CREB5: variants seen among roughly 807,000 people sequenced by gnomAD.
CREB5 encodes the protein cyclic AMP-responsive element-binding protein 5.
Under a neutral mutation model 57.1 loss-of-function variants are expected in CREB5, and 19 were observed. The ratio of observed to expected loss-of-function variants is 0.33; its 90% confidence interval spans 0.23 to 0.49. The LOEUF (loss-of-function observed/expected upper bound fraction) is 0.49. Among genes scored for constraint, CREB5 ranks in the 20% least tolerant of loss-of-function variants. CREB5 has a pLI of 0.99. For missense variants in CREB5, 579 were observed against 671.6 expected (o/e 0.86, Z 1.52); for synonymous variants, 238 against 238.3 (o/e 1.00, Z 0.01).
In CREB5 at chr7:28,767,088, A is replaced by G. The variant is rs979644900; in HGVS notation, c.703-37111A>G. On this transcript the variant is annotated intron_variant, in intron 7 of 10. Transcript: ENST00000357727. Reference sequence around the variant, plus strand: ...GTTTTAAACTGCATACTAGGGGAAAAATCCTAGAAGGAGAATTGCCCAAGA... The same window carrying G: ...GTTTTAAACTGCATACTAGGGGAAAGATCCTAGAAGGAGAATTGCCCAAGA... Among the ~76,000 whole-genome samples, 12 of 152,334 alleles carry G rather than the reference A, an allele frequency of 7.9e-5. No homozygotes were observed. The East Asian group carries it at 1.2e-3, about 15-fold the overall frequency.
intron 1 of CREB5, among the ~76,000 whole-genome samples, chr7:28,427,573 A>C (rs1386421230): frequency 6.6e-6 from 1 of 151,888 alleles, no homozygotes; most frequent in Non-Finnish European, 1.5e-5. Flanking sequence ...ATACGCTCAC[A>C]CTTTATTCCT....
intron 7 of CREB5, among the ~76,000 whole-genome samples, chr7:28,768,972 GA>G (rs1168330222): frequency 6.6e-6 from 1 of 152,190 alleles, no homozygotes; most frequent in Non-Finnish European, 1.5e-5. Flanking sequence ...AGACCATTCA[GA>G]AAACTCTGTT....
chr7:28,814,333 T>C (rs912901805), intron 9 of CREB5, among the ~76,000 whole-genome samples: 3 of 152,378 alleles, frequency 2.0e-5, no homozygotes, highest in East Asian at 3.9e-4. Flanking sequence ...TAGTGATTCT[T>C]GACCTTTCTT....
intron 1 of CREB5, among the ~76,000 whole-genome samples, chr7:28,344,794 G>A (rs1328611398): frequency 1.3e-5 from 2 of 152,082 alleles, no homozygotes; most frequent in South Asian, 4.2e-4. Flanking sequence ...AACACAAATG[G>A]ACTGAAAGTA....
intron 9 of CREB5, among the ~76,000 whole-genome samples, chr7:28,814,578 TAA>T (rs1274466140): frequency 1.3e-5 from 2 of 152,210 alleles, no homozygotes; most frequent in Non-Finnish European, 2.9e-5. Flanking sequence ...AAGTAATGAA[TAA>T]AAGTCAAGAT....
chr7:28,493,311 G>A (rs1028568988), intron 2 of CREB5, among the ~76,000 whole-genome samples: 1 of 152,202 alleles, frequency 6.6e-6, no homozygotes, highest in African/African-American at 2.4e-5. Flanking sequence ...TGATAAAGCG[G>A]ATATTCTGTT....
At chr7:28,569,599 T>A (rs1333930520) in intron 4 of CREB5, among the ~76,000 whole-genome samples, 1 of 152,232 alleles carries the variant, frequency 6.6e-6, no homozygotes, top group Non-Finnish European at 1.5e-5. Flanking sequence ...AATATACATC[T>A]GTGGAATGCC....
chr7:28,486,924 C>A lies in CREB5; in HGVS notation c.4-1251C>A, dbSNP rs189262299. Among the ~76,000 whole-genome samples, 222 of 151,552 alleles carry A rather than the reference C, an allele frequency of 1.5e-3. 2 individuals carry two copies. Among genetic ancestry groups the A allele is most frequent in the African/African-American group, 5.2e-3 (213 of 41,290 alleles). On this transcript the variant is annotated intron_variant, in intron 1 of 10. Coordinates refer to ENST00000357727, the MANE Select transcript of CREB5 (RefSeq NM_182898.4). ...GTTTGAGACCAGCCTGGCAATACAG[C>A]AAGACTTTGTCTCTATTTTTATTTA...
intron 1 of CREB5, among the ~76,000 whole-genome samples, chr7:28,486,335 G>A (rs1258165027): frequency 2.0e-5 from 3 of 151,932 alleles, no homozygotes; most frequent in Non-Finnish European, 4.4e-5. Flanking sequence ...AATATACAAA[G>A]TACAGTATAA....
intron 5 of CREB5, among the ~76,000 whole-genome samples, chr7:28,602,008 A>G (rs1319819153): frequency 1.4e-5 from 2 of 148,126 alleles, no homozygotes; most frequent in Non-Finnish European, 2.9e-5. Context: ...GTATATTTTT[A>G]TACAATTAAT....
chr7:28,342,467 T>A (rs1320738876), intron 1 of CREB5, among the ~76,000 whole-genome samples: 1 of 152,156 alleles, frequency 6.6e-6, no homozygotes, highest in East Asian at 1.9e-4. Context: ...AAAAAGGAGA[T>A]TTGTAAGTGA....
chr7:28,517,001 T>C (rs913609676), intron 4 of CREB5, among the ~76,000 whole-genome samples: 7 of 152,202 alleles, frequency 4.6e-5, no homozygotes, highest in Non-Finnish European at 1.0e-4. Flanking sequence ...CGCGAGGCCC[T>C]GCATTAATAC....
chr7:28,456,861 G>A (rs181852466), intron 1 of CREB5, among the ~76,000 whole-genome samples: 2 of 152,340 alleles, frequency 1.3e-5, no homozygotes, highest in South Asian at 4.1e-4. Flanking sequence ...CAAGGGTAAA[G>A]CTGAGTGAAG....
chr7:28,758,998 C>T (rs1356098745), intron 7 of CREB5, among the ~76,000 whole-genome samples: 1 of 142,640 alleles, frequency 7.0e-6, no homozygotes, highest in African/African-American at 2.4e-5. Context: ...GTCCTGAGCA[C>T]CCCTAATTTG....
chr7:28,363,451 A>G (rs1407515968), intron 1 of CREB5, among the ~76,000 whole-genome samples: 5 of 152,076 alleles, frequency 3.3e-5, no homozygotes, highest in East Asian at 1.9e-4. Flanking sequence ...TCCCTTGTCA[A>G]CCTGCTGCCT....
chr7:28,641,580 G>C (rs1440366467), intron 5 of CREB5, among the ~76,000 whole-genome samples: 1 of 152,126 alleles, frequency 6.6e-6, no homozygotes, highest in Non-Finnish European at 1.5e-5. Context: ...GAGGCCTGCA[G>C]GCGGTGTTTG....
intron 1 of CREB5, among the ~76,000 whole-genome samples, chr7:28,434,658 GAGTCATAT>G (rs1788871560): frequency 6.6e-6 from 1 of 152,134 alleles, no homozygotes. Flanking sequence ...CCTTCAATGT[GAGTCATAT>G]AGTCTGAGGT....
At chr7:28,580,707 G>T (rs1796094372) in intron 5 of CREB5, among the ~76,000 whole-genome samples, 1 of 151,870 alleles carries the variant, frequency 6.6e-6, no homozygotes, top group African/African-American at 2.4e-5. Flanking sequence ...AATTATTATT[G>T]CCATTAGGAA....
intron 4 of CREB5, among the ~76,000 whole-genome samples, chr7:28,516,399 A>G (rs1178571374): frequency 6.6e-6 from 1 of 152,196 alleles, no homozygotes; most frequent in Non-Finnish European, 1.5e-5. Flanking sequence ...GTATTTTACT[A>G]CAGCAACATG....
Sources: gnomAD v4.1 joint callset for allele counts (sites outside exome capture counted in the v4.1 genomes callset) on GRCh38, gnomAD v4.1.1 for gene constraint, MANE v1.5 for transcripts, NCBI Gene and HGNC (gene_info 2026-07-23, HGNC 2026-07-21) for gene names.